The following DOCK8 variants were observed in gnomAD, a reference collection of about 807,000 sequenced individuals.
The protein encoded by DOCK8 is dedicator of cytokinesis 8, also known as dedicator of cytokinesis protein 8.
In DOCK8, 141 loss-of-function variants were observed where a neutral mutation model predicts 245.6. That is an observed-to-expected ratio of 0.57 (90% CI 0.50 to 0.66). The LOEUF (loss-of-function observed/expected upper bound fraction) is 0.66. Ranked by LOEUF, DOCK8 falls within the 30% of genes least tolerant of loss-of-function variation. The pLI is 0.00. For synonymous variants in DOCK8, 1,168 were observed against 970.2 expected, an observed-to-expected ratio of 1.20 and a Z score of -3.79; for missense variants, 2,965 against 2,603.4, an observed-to-expected ratio of 1.14 and a Z score of -3.02.
Position 418,527 on chromosome 9 carries a change from C to A in DOCK8, c.3840+320C>A, listed in dbSNP as rs553495116. On this transcript the variant is annotated intron_variant, in intron 30 of 47. Coordinates refer to ENST00000432829, the MANE Select transcript of DOCK8 (RefSeq NM_203447.4). ...AGATGGTACACCCACCTCAGCCTCC[C>A]AAAGTGCTGGGATTACAGGCGTGAG... 1.1e-4 allele frequency among the ~76,000 whole-genome samples: 16 copies of A among 152,278 alleles called. No individual in the cohort carries two copies. The East Asian group carries it at 3.1e-3, about 29-fold the overall frequency.
rs757428281 is a variant in DOCK8 at position 312,000 on chromosome 9, G to T, written c.575G>T (p.Gly192Val). Residue 192 changes from glycine (G) to valine (V), a missense_variant, in exon 6 of 48, where the codon GGC (glycine) becomes GTC (valine). Gly to Val is a moderately radical substitution (Grantham distance 109, BLOSUM62 -3). Transcript: ENST00000432829. ...GTGCTGTGCGACGTGTCTGGGAAAG[G>T]CCCCGTCACTGCCTGTGACTTTGAC... ...LNVLCDVSGKGPVTACDFDLR... is the reference protein window; with the variant it reads ...LNVLCDVSGKVPVTACDFDLR... 6.2e-7 allele frequency: 1 copy of T among 1,614,138 alleles called. No individual in the cohort carries two copies. Among genetic ancestry groups the T allele is most frequent in the Non-Finnish European group, 8.5e-7 (1 of 1,180,032 alleles).
At chr9:336,423 A>G (rs1218924830) in intron 11 of DOCK8, among the ~76,000 whole-genome samples, 159 bp from the exon 12 acceptor site, 2 of 152,184 alleles carry the variant, frequency 1.3e-5, no homozygotes, top group East Asian at 1.9e-4. Flanking sequence ...AGGACTAAGA[A>G]AGGTAGGGGC....
chr9:243,268 A>C (rs2047420785), intron 1 of DOCK8, among the ~76,000 whole-genome samples: 1 of 152,200 alleles, frequency 6.6e-6, no homozygotes, highest in South Asian at 2.1e-4. Flanking sequence ...TAACAAATAC[A>C]TTTCAATTCG....
At chr9:397,709 A>G (rs1441797462) in intron 25 of DOCK8, among the ~76,000 whole-genome samples, 3 of 152,184 alleles carry the variant, frequency 2.0e-5, no homozygotes, top group Non-Finnish European at 4.4e-5. Flanking sequence ...TGTAGATATG[A>G]AAGATAATAT....
At chr9:215,579 G>T in intron 1 of DOCK8, 1 of 779,100 alleles carries the variant, frequency 1.3e-6, no homozygotes, top group Non-Finnish European at 1.8e-6. Context: ...TTATACCCTG[G>T]TCCAAAGGAG....
Position 397,059 on chromosome 9 carries a change from C to G in DOCK8, c.3120+125C>G, listed in dbSNP as rs568483309. On this transcript the variant is annotated intron_variant, in intron 25 of 47. Transcript: ENST00000432829. ...AAATATAACTGTAATGACAGTTAAA[C>G]GCAGTATGTTATACTGGACTGGACC... is the stretch of plus-strand genomic sequence containing the variant. 1.1e-5 allele frequency: 12 copies of G among 1,131,980 alleles called. No homozygotes were observed. The African/African-American group carries it at 1.9e-4, about 18-fold the overall frequency. 70.1% of individuals were successfully genotyped at this position (1,131,980 alleles called of 1,614,324 possible).
intron 37 of DOCK8, among the ~76,000 whole-genome samples, chr9:432,816 G>T (rs978192916): frequency 6.6e-6 from 1 of 152,172 alleles, no homozygotes; most frequent in African/African-American, 2.4e-5. Flanking sequence ...AGCTTGTCTG[G>T]TGAGGGGTAA....
intron 25 of DOCK8, among the ~76,000 whole-genome samples, chr9:398,819 A>G (rs1044923396): frequency 3.3e-5 from 5 of 152,166 alleles, no homozygotes; most frequent in African/African-American, 1.2e-4. Flanking sequence ...AGTTACAAAA[A>G]AAAAAGTTAC....
intron 4 of DOCK8, among the ~76,000 whole-genome samples, chr9:292,579 G>C (rs918067258): frequency 6.7e-6 from 1 of 149,836 alleles, no homozygotes; most frequent in Non-Finnish European, 1.5e-5. Flanking sequence ...ATTTTTCCTG[G>C]TGCTCTGCTT....
intron 2 of DOCK8, among the ~76,000 whole-genome samples, chr9:276,779 G>T (rs1205222585): frequency 1.3e-5 from 2 of 152,170 alleles, no homozygotes; most frequent in African/African-American, 4.8e-5. Flanking sequence ...CTGTTAAAAT[G>T]AAACTGTAAT....
chr9:233,731 T>C (rs2047177260), intron 1 of DOCK8, among the ~76,000 whole-genome samples: 2 of 152,128 alleles, frequency 1.3e-5, no homozygotes, highest in Admixed American at 1.3e-4. Context: ...CCTGCCTTTT[T>C]TTGTTTTCCA....
At chr9:329,518 C>A (rs2050913150) in intron 9 of DOCK8, among the ~76,000 whole-genome samples, 1 of 152,124 alleles carries the variant, frequency 6.6e-6, no homozygotes, top group Admixed American at 6.5e-5. Flanking sequence ...CTTATTTAAG[C>A]TTATAGAAGT....
intron 14 of DOCK8, among the ~76,000 whole-genome samples, chr9:353,330 C>G (rs959265013): frequency 6.6e-6 from 1 of 152,158 alleles, no homozygotes; most frequent in Non-Finnish European, 1.5e-5. Flanking sequence ...TCCCCTGATT[C>G]CAATACTTTC....
chr9:214,453 C>T, upstream of DOCK8: 2 of 1,534,126 alleles, frequency 1.3e-6, no homozygotes, highest in Admixed American at 1.8e-5. Context: ...ACTTTTTTGT[C>T]TTTTTTTTTG....
At chr9:428,717 A>C (rs1331512618) in intron 35 of DOCK8, among the ~76,000 whole-genome samples, 1 of 152,120 alleles carries the variant, frequency 6.6e-6, no homozygotes, top group African/African-American at 2.4e-5. Context: ...TGTGGACCTA[A>C]CTCTAGAAGT....
At chr9:299,640 T>A (rs1164942782) in intron 4 of DOCK8, among the ~76,000 whole-genome samples, 1 of 151,996 alleles carries the variant, frequency 6.6e-6, no homozygotes, top group Non-Finnish European at 1.5e-5. Flanking sequence ...ATTTTTTTTT[T>A]CATTTCCCCA....
At chr9:345,546 A>T (rs1431707701) in intron 14 of DOCK8, among the ~76,000 whole-genome samples, 1 of 152,144 alleles carries the variant, frequency 6.6e-6, no homozygotes, top group Non-Finnish European at 1.5e-5. Context: ...TTTGGTATTG[A>T]TGAGGGTTTC....
chr9:232,660 C>T (rs2047143481), intron 1 of DOCK8, among the ~76,000 whole-genome samples: 1 of 152,120 alleles, frequency 6.6e-6, no homozygotes, highest in African/African-American at 2.4e-5. Context: ...TCCATTTCTT[C>T]TAGATTTTCT....
At chr9:239,865 G>C (rs477109) in intron 1 of DOCK8, among the ~76,000 whole-genome samples, 79,898 of 151,874 alleles carry the variant, frequency 0.53, 21,484 homozygotes, top group East Asian at 0.78. Context: ...ATTAAATATT[G>C]TTGCATTACA....
Sources: allele counts gnomAD v4.1 joint callset (sites outside exome capture counted in the v4.1 genomes callset), GRCh38; gene constraint gnomAD v4.1.1; transcripts MANE v1.5; gene names NCBI Gene and HGNC (gene_info 2026-07-23, HGNC 2026-07-21).